Variants in ARID1B observed in about 807,000 individuals in gnomAD.
ARID1B encodes the protein AT-rich interaction domain 1B, also known as AT-rich interactive domain-containing protein 1B.
Under a neutral mutation model 212.3 loss-of-function variants are expected in ARID1B, and 30 were observed. The observed-to-expected ratio is 0.14, with a 90% CI of 0.11 to 0.19. The LOEUF is 0.19. Among genes scored for constraint, ARID1B ranks in the 10% least tolerant of loss-of-function variants. The probability of loss-of-function intolerance (pLI) is 1.00; values close to 1 mark genes in which losing one functional copy is unlikely to be tolerated. For synonymous variants in ARID1B, 1,402 were observed against 1,301.7 expected, an observed-to-expected ratio of 1.08 and a Z score of -1.66; for missense variants, 2,891 against 3,204.0, an observed-to-expected ratio of 0.90 and a Z score of 2.36.
At chr6:157,068,464 C>T (rs1783816523) in intron 4 of ARID1B, among the ~76,000 whole-genome samples, 1 of 152,154 alleles carries the variant, frequency 6.6e-6, no homozygotes, top group African/African-American at 2.4e-5. Context: ...ATTATGTTTG[C>T]AAGTCCAAGC....
Position 157,174,858 on chromosome 6 carries a change from C to T in ARID1B, c.3357C>T (p.Ser1119=), listed in dbSNP as rs1291267598. The stretch of plus-strand genomic sequence containing the variant: ...TTCCTCTACCACAGGATAGCTACAG[C>T]TCTCAGGGTATTTCTCAGCCCCCAA... ...QPESKSKDSY[S]SQGISQPPTP... is the part of the protein sequence containing the mutation. Residue 1119 remains serine (S), a synonymous_variant, in exon 11 of 20, where the codon AGC becomes AGT. Transcript: ENST00000636930. 3.2e-6 allele frequency: 5 copies of T among 1,547,206 alleles called. No homozygotes were observed. Among genetic ancestry groups the T allele is most frequent in the Non-Finnish European group, 4.4e-6 (5 of 1,146,854 alleles).
chr6:156,940,493 G>C (rs550860597), intron 4 of ARID1B: 3 of 152,182 alleles, frequency 2.0e-5, no homozygotes, highest in Non-Finnish European at 4.4e-5. Context: ...AGTAAATGCT[G>C]GTCGTTCTTT....
At chr6:156,926,296 G>T (rs1791212584) in intron 3 of ARID1B, among the ~76,000 whole-genome samples, 1 of 152,106 alleles carries the variant, frequency 6.6e-6, no homozygotes, top group Non-Finnish European at 1.5e-5. Context: ...TCATGGAGGG[G>T]TTTTGTTTTG....
At chr6:156,855,444 C>T (rs1784848306) in intron 2 of ARID1B, among the ~76,000 whole-genome samples, 1 of 152,232 alleles carries the variant, frequency 6.6e-6, no homozygotes, top group South Asian at 2.1e-4. Flanking sequence ...CCACAAAACA[C>T]TGCAGGCCCG....
chr6:157,185,583 G>A (rs545689881), intron 13 of ARID1B: 8 of 152,346 alleles, frequency 5.3e-5, no homozygotes, highest in African/African-American at 1.7e-4. Flanking sequence ...CCAACTAGCT[G>A]GGGAGTAGAA....
At chr6:157,039,677 C>CTTT in intron 4 of ARID1B, among the ~76,000 whole-genome samples, 3 of 95,822 alleles carry the variant, frequency 3.1e-5, no homozygotes, top group African/African-American at 1.1e-4. Flanking sequence ...TTCCTTCCTT[C>CTTT]CTTCCTTCCT....
chr6:157,182,492 T>G (rs1384191975), intron 12 of ARID1B, among the ~76,000 whole-genome samples: 1 of 152,106 alleles, frequency 6.6e-6, no homozygotes, highest in East Asian at 1.9e-4. Context: ...TAACAGGCAG[T>G]CAGAATCAGG....
chr6:157,208,087 G>GTA lies in ARID1B; in HGVS notation c.*197_*198insAT, dbSNP rs1172044353. The GTA allele has an allele frequency of 5.2e-6, 3 of 580,748 alleles. No homozygotes were observed. In the African/African-American group the frequency reaches 5.8e-5, roughly 11 times the overall value. The allele number at this position is 580,748 out of a possible 1,614,324, so 36.0% of individuals were successfully genotyped here. A position where few individuals can be genotyped will look rare whatever the true frequency, so the allele number is the denominator to read the frequency against. ...TATGAAATTAATATTTGCTGTCTGT[G>GTA]TGTATAAGTACATCCTTTGGGGTTT... On this transcript the variant is annotated 3_prime_UTR_variant, in exon 20 of 20. Coordinates refer to ENST00000636930, the MANE Select transcript of ARID1B (RefSeq NM_001374828.1).
chr6:157,017,359 C>G (rs1298852023), intron 4 of ARID1B, among the ~76,000 whole-genome samples: 1 of 152,168 alleles, frequency 6.6e-6, no homozygotes, highest in Non-Finnish European at 1.5e-5. Flanking sequence ...AAGAGTAATA[C>G]TTCCAATCAG....
chr6:156,801,251 AG>A (rs1002161782), intron 1 of ARID1B, among the ~76,000 whole-genome samples: 1 of 131,352 alleles, frequency 7.6e-6, no homozygotes, highest in African/African-American at 3.0e-5. Context: ...CCCACTCTGG[AG>A]TGCAGTGGTG....
At position 157,002,922 on chromosome 6, in the gene ARID1B, C is replaced by A. The variant is rs559101602; in HGVS notation, c.2247+67346C>A. On this transcript the variant is annotated intron_variant, in intron 4 of 19. Coordinates refer to ENST00000636930, the MANE Select transcript of ARID1B (RefSeq NM_001374828.1). ...TTAGACTTGAAGGACAGTAGCCAGGCATGAGAATGAGAAGAGGACTGTAGG... is the reference window on the plus strand; with the variant it reads ...TTAGACTTGAAGGACAGTAGCCAGGAATGAGAATGAGAAGAGGACTGTAGG... Among the ~76,000 whole-genome samples, 11 of 152,280 alleles carry A rather than the reference C, an allele frequency of 7.2e-5. 1 individual carries two copies. The highest frequency in any genetic ancestry group is 2.6e-4 in the African/African-American group (11 of 41,570).
intron 4 of ARID1B, among the ~76,000 whole-genome samples, chr6:157,032,706 A>G (rs1480187544): frequency 1.3e-5 from 2 of 152,178 alleles, no homozygotes; most frequent in African/African-American, 4.8e-5. Flanking sequence ...TTTGTTAACT[A>G]ATTACTTTTA....
At chr6:156,862,580 T>A (rs1785409137) in intron 2 of ARID1B, among the ~76,000 whole-genome samples, 1 of 152,200 alleles carries the variant, frequency 6.6e-6, no homozygotes. Context: ...CGCCATGCAC[T>A]ACAGAAGGTC....
In ARID1B at chr6:156,919,939, T is replaced by C. The variant is rs76038958; in HGVS notation, c.2137-15527T>C. Among the ~76,000 whole-genome samples the C allele has an allele frequency of 2.0e-3, 305 of 152,376 alleles. 1 individual carries two copies. Among genetic ancestry groups the C allele is most frequent in the African/African-American group, 6.4e-3 (268 of 41,586 alleles). On this transcript the variant is annotated intron_variant, in intron 3 of 19. Coordinates refer to ENST00000636930, the MANE Select transcript of ARID1B (RefSeq NM_001374828.1). The stretch of plus-strand genomic sequence containing the variant: ...AGCAATTAAGCTTCACCTCCTTCTC[T>C]GATCCTAACACTGCTATAACTAACT...
At chr6:156,958,790 G>C (rs2128318104) in intron 4 of ARID1B, among the ~76,000 whole-genome samples, 1 of 152,220 alleles carries the variant, frequency 6.6e-6, no homozygotes, top group South Asian at 2.1e-4. Flanking sequence ...TAAAACCAAG[G>C]GGTGATTGTA....
chr6:156,999,707 T>G (rs1467299339), intron 4 of ARID1B, among the ~76,000 whole-genome samples: 2 of 152,176 alleles, frequency 1.3e-5, no homozygotes, highest in African/African-American at 2.4e-5. Flanking sequence ...AACAGATATT[T>G]AGGACCTGCC....
intron 1 of ARID1B, chr6:156,780,377 C>G (rs1779165919): frequency 6.6e-6 from 1 of 152,180 alleles, no homozygotes; most frequent in Admixed American, 6.5e-5. Flanking sequence ...TTGCTGTCAC[C>G]CGAGTCCTAC....
At chr6:156,864,578 C>T (rs774683921) in intron 2 of ARID1B, among the ~76,000 whole-genome samples, 5 of 152,184 alleles carry the variant, frequency 3.3e-5, no homozygotes, top group Non-Finnish European at 7.3e-5. Flanking sequence ...GTAGGTACTG[C>T]CCGCCTTAGC....
At chr6:156,911,785 C>T (rs1000971411) in intron 3 of ARID1B, among the ~76,000 whole-genome samples, 8 of 152,112 alleles carry the variant, frequency 5.3e-5, no homozygotes, top group Non-Finnish European at 1.0e-4. Flanking sequence ...CCATGGACTC[C>T]ACAGGTGCAA....
Sources: gnomAD v4.1 joint callset for allele counts (sites outside exome capture counted in the v4.1 genomes callset) on GRCh38, gnomAD v4.1.1 for gene constraint, MANE v1.5 for transcripts, NCBI Gene and HGNC (gene_info 2026-07-23, HGNC 2026-07-21) for gene names.